Variants in PRKAR1A observed in about 807,000 individuals in gnomAD.
The protein encoded by PRKAR1A is protein kinase cAMP-dependent type I regulatory subunit alpha.
A neutral mutation model predicts 52.0 loss-of-function variants in PRKAR1A; 3 were observed. The ratio of observed to expected loss-of-function variants is 0.06; its 90% confidence interval spans 0.03 to 0.15. The LOEUF (loss-of-function observed/expected upper bound fraction) is 0.15. PRKAR1A is among the 10% of genes least tolerant of loss of function. PRKAR1A has a pLI of 1.00. For missense variants in PRKAR1A, 240 were observed against 477.4 expected (o/e 0.50, Z 4.63); for synonymous variants, 188 against 168.4 (o/e 1.12, Z -0.90).
the PRKAR1A span, chr17:68,427,016 G>T: frequency 1.5e-4 from 123 of 802,974 alleles, 1 homozygote; most frequent in Non-Finnish European, 2.0e-6. Flanking sequence ...AGGGGGAAGG[G>T]GAGGGAGGGC....
Position 68,532,782 on chromosome 17 carries a change from T to C in PRKAR1A, c.*2333T>C. 1 of 1,066,532 alleles carries C rather than the reference T, an allele frequency of 9.4e-7. No homozygotes were observed. Among genetic ancestry groups the C allele is most frequent in the Non-Finnish European group, 1.1e-6 (1 of 879,790 alleles). 66.1% of individuals were successfully genotyped at this position (1,066,532 alleles called of 1,614,324 possible). On this transcript the variant is annotated 3_prime_UTR_variant, in exon 11 of 11. Coordinates refer to ENST00000589228, the MANE Select transcript of PRKAR1A (RefSeq NM_002734.5). Reference sequence around the variant, plus strand: ...TTTAAATTCTTAAATGAATCAGTTTTTCTTCCCTTTCTCCTTTCCGTCTTT... The same window carrying C: ...TTTAAATTCTTAAATGAATCAGTTTCTCTTCCCTTTCTCCTTTCCGTCTTT...
At chr17:68,485,905 A>G in the PRKAR1A span, among the ~76,000 whole-genome samples, 4 of 151,960 alleles carry the variant, frequency 2.6e-5, no homozygotes, top group African/African-American at 9.7e-5. Flanking sequence ...TGCCTGGCTA[A>G]TTTTTGTATT....
At chr17:68,428,550 A>G in the PRKAR1A span, 29 of 281,264 alleles carry the variant, frequency 1.0e-4, no homozygotes, top group Non-Finnish European at 1.4e-4. Flanking sequence ...ATATTTTTGA[A>G]CACCCACTGT....
chr17:68,537,380 C>G (rs755355635), downstream of PRKAR1A: 48 of 1,513,778 alleles, frequency 3.2e-5, no homozygotes, highest in Non-Finnish European at 4.1e-5. This position sits in a 1 kb window ranked among gnomAD's most constrained non-coding sequence, Gnocchi z 4.2. Context: ...TGACTTGACT[C>G]CCAGCAGTAA....
At chr17:68,464,768 T>C in the PRKAR1A span, among the ~76,000 whole-genome samples, 1 of 151,870 alleles carries the variant, frequency 6.6e-6, no homozygotes, top group Admixed American at 6.6e-5. Context: ...GTAGGTGTTA[T>C]CAGAGCCCAG....
intron 11 of PRKAR1A, among the ~76,000 whole-genome samples, chr17:68,548,891 C>T (rs1282658781): frequency 6.6e-6 from 1 of 151,688 alleles, no homozygotes; most frequent in African/African-American, 2.4e-5. Flanking sequence ...CACCACCACG[C>T]CCGGCTAATT....
chr17:68,418,727 T>G, the PRKAR1A span, among the ~76,000 whole-genome samples: 4 of 152,140 alleles, frequency 2.6e-5, no homozygotes, highest in Non-Finnish European at 5.9e-5. Context: ...CAGTTTTATT[T>G]TTCATAAGAA....
the PRKAR1A span, among the ~76,000 whole-genome samples, chr17:68,456,651 T>C: frequency 6.6e-6 from 1 of 152,192 alleles, no homozygotes; most frequent in African/African-American, 2.4e-5. Context: ...TCCTGTTTCC[T>C]GGAGAGAAAG....
the PRKAR1A span, among the ~76,000 whole-genome samples, chr17:68,477,230 G>T: frequency 6.6e-6 from 1 of 151,716 alleles, no homozygotes; most frequent in Non-Finnish European, 1.5e-5. Flanking sequence ...ACAATGAGAG[G>T]ATATCAGAAC....
intron 7 of PRKAR1A, among the ~76,000 whole-genome samples, chr17:68,526,582 A>ATAGAT (rs775513679): frequency 2.0e-5 from 3 of 152,148 alleles, no homozygotes; most frequent in Non-Finnish European, 4.4e-5. Flanking sequence ...GGATATATAG[A>ATAGAT]TAGATTAGAT....
At chr17:68,494,673 A>G in the PRKAR1A span, among the ~76,000 whole-genome samples, 1 of 152,114 alleles carries the variant, frequency 6.6e-6, no homozygotes, top group Non-Finnish European at 1.5e-5. Flanking sequence ...CACTGTGGAA[A>G]AGTTGGATAC....
intron 11 of PRKAR1A, chr17:68,539,857 A>T: frequency 6.2e-7 from 1 of 1,607,110 alleles, no homozygotes; most frequent in Non-Finnish European, 8.5e-7. Context: ...GGGAGAGGGG[A>T]TTGTTGAACA....
the PRKAR1A span, among the ~76,000 whole-genome samples, chr17:68,493,386 G>A: frequency 1.3e-5 from 2 of 152,078 alleles, no homozygotes; most frequent in South Asian, 2.1e-4. Context: ...GGCAAGTGCT[G>A]TGTAATATTT....
chr17:68,417,623 G>A, the PRKAR1A span, among the ~76,000 whole-genome samples: 7 of 150,490 alleles, frequency 4.7e-5, no homozygotes, highest in Non-Finnish European at 8.8e-5. Context: ...GTGGGTTTCT[G>A]CTCTGTTAAG....
chr17:68,441,061 G>A, the PRKAR1A span: 10 of 152,292 alleles, frequency 6.6e-5, no homozygotes, highest in African/African-American at 1.7e-4. Context: ...GGTATGGAAC[G>A]CTCCCTCAAT....
chr17:68,543,505 G>T, intron 11 of PRKAR1A: 1 of 836,220 alleles, frequency 1.2e-6, no homozygotes, highest in Non-Finnish European at 2.0e-6. Flanking sequence ...GATGAGGCAC[G>T]AAGAAGATAG....
the PRKAR1A span, among the ~76,000 whole-genome samples, chr17:68,486,486 CTTCCTTCCTTCCTTCCTTCCTTCTTTCT>C: frequency 6.0e-4 from 35 of 58,204 alleles, no homozygotes; most frequent in African/African-American, 6.9e-4. Context: ...TCCTTCCTTC[CTTCCTTCCTTCCTTCCTTCCTTCTTTCT>C]TTCTTTCTTT....
At chr17:68,486,498 CTTCCTTCCTTCTTTCT>C in the PRKAR1A span, among the ~76,000 whole-genome samples, 515 of 40,048 alleles carry the variant, frequency 0.013, 4 homozygotes, top group Admixed American at 0.036. Flanking sequence ...TCCTTCCTTC[CTTCCTTCCTTCTTTCT>C]TTCTTTCTTT....
At chr17:68,459,129 G>C in the PRKAR1A span, among the ~76,000 whole-genome samples, 3 of 152,128 alleles carry the variant, frequency 2.0e-5, no homozygotes, top group East Asian at 5.8e-4. Flanking sequence ...ATTCACAGAT[G>C]TTATTGCTCT....
Sources: allele counts gnomAD v4.1 joint callset (sites outside exome capture counted in the v4.1 genomes callset), GRCh38; gene constraint gnomAD v4.1.1; non-coding constraint Gnocchi (gnomAD v3.1); transcripts MANE v1.5; gene names NCBI Gene and HGNC (gene_info 2026-07-23, HGNC 2026-07-21).